ZNF10: variants seen among roughly 807,000 people sequenced by gnomAD.
ZNF10 encodes the protein zinc finger protein 10.
A neutral mutation model predicts 12.2 loss-of-function variants in ZNF10; 8 were observed. The ratio of observed to expected loss-of-function variants is 0.66; its 90% CI spans 0.39 to 1.18. The LOEUF is 1.18. ZNF10 is among the 50% of genes most tolerant of loss of function. ZNF10 has a pLI of 0.01. For missense variants in ZNF10, 603 were observed against 678.9 expected (o/e 0.89, Z 1.24); for synonymous variants, 229 against 228.2 (o/e 1.00, Z -0.03).
chr12:133,141,408 A>G (rs1955943770), intron 1 of ZNF10, among the ~76,000 whole-genome samples: 1 of 152,222 alleles, frequency 6.6e-6, no homozygotes, highest in Admixed American at 6.5e-5. Context: ...ACTCATCCAA[A>G]CTTAACATAG....
In ZNF10 at chr12:133,158,353, C is replaced by G. The variant is rs1956054570; in HGVS notation, c.*1385C>G. The G allele has an allele frequency of 6.6e-6, 1 of 152,228 alleles. No homozygotes were observed. The highest frequency in any genetic ancestry group is 1.5e-5 in the Non-Finnish European group (1 of 68,040). The allele number at this position is 152,228 out of a possible 1,614,324, so 9.4% of individuals were successfully genotyped here. ...CTTATAAGAATTTACTGAGTTCTCA[C>G]TTCCCTTACAGTCATACATGGTTTT... is the stretch of plus-strand genomic sequence containing the variant. On this transcript the variant is annotated 3_prime_UTR_variant, in exon 5 of 5. Transcript: ENST00000248211.
chr12:133,147,640 T>C (rs1955983947), intron 2 of ZNF10, among the ~76,000 whole-genome samples: 1 of 134,016 alleles, frequency 7.5e-6, no homozygotes, highest in East Asian at 2.1e-4. Flanking sequence ...GGAGACGGAG[T>C]CTTGCTCTGT....
chr12:133,144,364 G>A, intron 1 of ZNF10, 70 bp from the exon 2 acceptor site: 1 of 881,070 alleles, frequency 1.1e-6, no homozygotes, highest in South Asian at 1.6e-5. Context: ...GTATGAAGAA[G>A]TTTAGACTGA....
intron 1 of ZNF10, among the ~76,000 whole-genome samples, chr12:133,143,189 GA>G (rs1350805962): frequency 6.6e-6 from 1 of 152,156 alleles, no homozygotes; most frequent in East Asian, 1.9e-4. Context: ...GAATAGGGGA[GA>G]ATATGGAGTT....
chr12:133,156,049 A>G lies in ZNF10; in HGVS notation c.803A>G (p.Lys268Arg), dbSNP rs769066512. 6.2e-7 allele frequency: 1 copy of G among 1,613,512 alleles called. No homozygotes were observed. Among genetic ancestry groups the G allele is most frequent in the Non-Finnish European group, 8.5e-7 (1 of 1,179,946 alleles). Reference protein sequence around the residue: ...GIHREKPYECKECGKFFSWRS... With the variant: ...GIHREKPYECRECGKFFSWRS... ...CATAGAGAGAAACCCTATGAATGTAAGGAATGTGGAAAATTCTTCAGCTGG... is the reference window on the plus strand; with the variant it reads ...CATAGAGAGAAACCCTATGAATGTAGGGAATGTGGAAAATTCTTCAGCTGG... Residue 268 changes from lysine to arginine, a missense_variant, in exon 5 of 5, where the codon AAG (lysine) becomes AGG (arginine). This residue lies in a region of ZNF10 where 393 missense variants were observed against 399.7 expected (regional missense o/e 0.98). Coordinates refer to ENST00000248211, the MANE Select transcript of ZNF10 (RefSeq NM_015394.5).
chr12:133,151,475 C>G (rs995050018), intron 3 of ZNF10, among the ~76,000 whole-genome samples: 1 of 152,068 alleles, frequency 6.6e-6, no homozygotes, highest in Admixed American at 6.6e-5. Flanking sequence ...GAAACCCCGT[C>G]TCTACTAAAA....
At chr12:133,150,544 A>G (rs1355006416) in intron 2 of ZNF10, among the ~76,000 whole-genome samples, 2 of 151,730 alleles carry the variant, frequency 1.3e-5, no homozygotes, top group African/African-American at 4.8e-5. Context: ...TGCTACTGCT[A>G]AAATATAATC....
chr12:133,137,675 G>A (rs1955920246), intron 1 of ZNF10, among the ~76,000 whole-genome samples: 2 of 152,158 alleles, frequency 1.3e-5, no homozygotes, highest in South Asian at 4.1e-4. Context: ...TCTTCCAGTA[G>A]CCTCAGCTGC....
intron 1 of ZNF10, among the ~76,000 whole-genome samples, chr12:133,134,436 A>T (rs1391631358): frequency 6.6e-6 from 1 of 152,206 alleles, no homozygotes; most frequent in Non-Finnish European, 1.5e-5. Flanking sequence ...GGAGCCAAGG[A>T]GTGTAGATGG....
At position 133,156,986 on chromosome 12, in the gene ZNF10, C is replaced by A; in HGVS notation, c.*18C>A. ...CTTACTAATAAATATGGGAATTTTT[C>A]ACAAAGAGCAATGACTTTATTTTGC... is the stretch of plus-strand genomic sequence containing the variant. On this transcript the variant is annotated 3_prime_UTR_variant, in exon 5 of 5. Transcript: ENST00000248211. 1 of 1,409,494 alleles carries A rather than the reference C, an allele frequency of 7.1e-7. No individual in the cohort carries two copies. 87.3% of individuals were successfully genotyped at this position (1,409,494 alleles called of 1,614,324 possible).
rs144102532 is a variant in ZNF10 at position 133,157,396 on chromosome 12, T to C, written c.*428T>C. 4.9e-4 allele frequency: 76 copies of C among 153,540 alleles called. No homozygotes were observed. Among genetic ancestry groups the C allele is most frequent in the African/African-American group, 1.6e-3 (66 of 41,624 alleles). The allele number at this position is 153,540 out of a possible 1,614,324, so 9.5% of individuals were successfully genotyped here. A position where few individuals can be genotyped will look rare whatever the true frequency, so the allele number is the denominator to read the frequency against. On this transcript the variant is annotated 3_prime_UTR_variant, in exon 5 of 5. Coordinates refer to ENST00000248211, the MANE Select transcript of ZNF10 (RefSeq NM_015394.5). Reference sequence around the variant, plus strand: ...ATATTTCAGTCAATATGTCATTGTTTTCTTGACTATGTCTCTCTTCTGGGA... The same window carrying C: ...ATATTTCAGTCAATATGTCATTGTTCTCTTGACTATGTCTCTCTTCTGGGA...
chr12:133,154,586 T>C (rs1956027870), intron 4 of ZNF10, among the ~76,000 whole-genome samples: 1 of 152,208 alleles, frequency 6.6e-6, no homozygotes, highest in Non-Finnish European at 1.5e-5. Flanking sequence ...GTTTAGCAAC[T>C]CGTCTAAATT....
At chr12:133,136,923 C>CTG (rs1293188494) in intron 1 of ZNF10, among the ~76,000 whole-genome samples, 1 of 152,148 alleles carries the variant, frequency 6.6e-6, no homozygotes, top group East Asian at 1.9e-4. Flanking sequence ...CATTTAAATA[C>CTG]AGCCTCCTAG....
intron 1 of ZNF10, among the ~76,000 whole-genome samples, chr12:133,134,977 T>C (rs1304086880): frequency 1.3e-5 from 2 of 152,180 alleles, no homozygotes; most frequent in African/African-American, 4.8e-5. Context: ...TTTGCAGATT[T>C]CCCCAGCCAC....
chr12:133,134,832 A>G (rs1955901975), intron 1 of ZNF10, among the ~76,000 whole-genome samples: 2 of 151,252 alleles, frequency 1.3e-5, no homozygotes, highest in African/African-American at 2.4e-5. Context: ...AGGAGATTTT[A>G]CCATTTGGAG....
chr12:133,141,763 T>TG (rs1263730235), intron 1 of ZNF10, among the ~76,000 whole-genome samples: 1 of 151,856 alleles, frequency 6.6e-6, no homozygotes, highest in Non-Finnish European at 1.5e-5. Flanking sequence ...AAAGGAGAGA[T>TG]GGAGAAATAT....
chr12:133,156,142 G>C lies in ZNF10; in HGVS notation c.896G>C (p.Gly299Ala). Reference protein sequence around the residue: ...GEKPYECKECGKSFSRSSHLI... With the variant: ...GEKPYECKECAKSFSRSSHLI... ...AAACCCTATGAGTGTAAAGAATGTG[G>C]AAAGTCTTTCAGCCGGAGTTCTCAC... Residue 299 changes from glycine (G) to alanine (A), a missense_variant, in exon 5 of 5, where the codon GGA becomes GCA. By Grantham distance (60) the Gly-to-Ala change is moderately conservative. Coordinates refer to ENST00000248211, the MANE Select transcript of ZNF10 (RefSeq NM_015394.5). 1 of 1,613,534 alleles carries C rather than the reference G, an allele frequency of 6.2e-7. No individual in the cohort carries two copies. The highest frequency in any genetic ancestry group is 8.5e-7 in the Non-Finnish European group (1 of 1,180,034).
At chr12:133,152,836 G>A (rs796712992) in intron 4 of ZNF10, among the ~76,000 whole-genome samples, 4 of 152,300 alleles carry the variant, frequency 2.6e-5, no homozygotes, top group African/African-American at 7.2e-5. Context: ...TTAGCCTCAA[G>A]TTCTTTCCCA....
At chr12:133,144,231 T>C in intron 1 of ZNF10, 1 of 331,636 alleles carries the variant, frequency 3.0e-6, no homozygotes, top group Admixed American at 4.5e-5. Flanking sequence ...ATTAAGGGGG[T>C]AAAAATGCAA....
Sources: gnomAD v4.1 joint callset for allele counts (sites outside exome capture counted in the v4.1 genomes callset) on GRCh38, gnomAD v4.1.1 for gene constraint, gnomAD v4.1.1 regional missense constraint, MANE v1.5 for transcripts, NCBI Gene and HGNC (gene_info 2026-07-23, HGNC 2026-07-21) for gene names.